PLCH2: variants seen among roughly 807,000 people sequenced by gnomAD.
The protein encoded by PLCH2 is 1-phosphatidylinositol 4,5-bisphosphate phosphodiesterase eta-2.
PLCH2 carries 98 observed loss-of-function variants against 134.7 expected under a neutral mutation model. That is an observed-to-expected ratio of 0.73 (90% CI 0.62 to 0.86). The LOEUF is 0.86. Among genes scored for constraint, PLCH2 ranks in the 40% least tolerant of loss-of-function variants. The pLI, the probability that PLCH2 is intolerant of heterozygous loss-of-function variation, is 0.00. For synonymous variants in PLCH2, 974 were observed against 827.5 expected, an observed-to-expected ratio of 1.18 and a Z score of -3.04; for missense variants, 1,994 against 1,986.6, an observed-to-expected ratio of 1.00 and a Z score of -0.07.
chr1:2,432,370 G>A (rs771170987), intron 2 of PLCH2, among the ~76,000 whole-genome samples: 8 of 152,196 alleles, frequency 5.3e-5, no homozygotes, highest in African/African-American at 1.2e-4. Flanking sequence ...GTTGGGGGCC[G>A]TGGGACAGCA....
chr1:2,468,027 G>A (rs892184115), intron 1 of PLCH2, among the ~76,000 whole-genome samples: 3 of 152,222 alleles, frequency 2.0e-5, no homozygotes, highest in Non-Finnish European at 2.9e-5. Context: ...ATGCCAGCAC[G>A]GGTCCTGACC....
At chr1:2,420,159 C>T in the PLCH2 span, among the ~76,000 whole-genome samples, 16 of 152,210 alleles carry the variant, frequency 1.1e-4, no homozygotes, top group African/African-American at 2.4e-4. Context: ...ACAGGCCCCC[C>T]GCCCCAGCCC....
intron 2 of PLCH2, among the ~76,000 whole-genome samples, chr1:2,434,067 G>A (rs964786080): frequency 5.3e-5 from 8 of 152,254 alleles, no homozygotes; most frequent in South Asian, 2.1e-4. Context: ...GTCCGGCTTC[G>A]TGGCGGGTCT....
rs745501280 is a variant in PLCH2 at position 2,496,725 on chromosome 1, G to A, written c.1933+21G>A. Reference sequence around the variant, plus strand: ...GGAGGGTGAGTGGCTCGGGGACCTGGGGCCACGGGCGGAGGCCTCCCTGTC... The same window carrying A: ...GGAGGGTGAGTGGCTCGGGGACCTGAGGCCACGGGCGGAGGCCTCCCTGTC... On this transcript the variant is annotated intron_variant, in intron 14 of 21. Transcript: ENST00000378486. 5.8e-5 allele frequency: 93 copies of A among 1,609,452 alleles called. No homozygotes were observed. The South Asian group carries it at 1.0e-3, about 18-fold the overall frequency.
chr1:2,429,797 C>A (rs566250728), intron 1 of PLCH2, among the ~76,000 whole-genome samples: 1 of 152,308 alleles, frequency 6.6e-6, no homozygotes, highest in South Asian at 2.1e-4. Flanking sequence ...TGTGGCTCCT[C>A]CTCGGGGCCG....
upstream of PLCH2, among the ~76,000 whole-genome samples, chr1:2,463,322 G>A (rs1021986558): frequency 2.0e-5 from 3 of 152,216 alleles, no homozygotes; most frequent in African/African-American, 4.8e-5. Context: ...CTGGGGGCCC[G>A]TCGAACTCAG....
chr1:2,450,676 A>ACCTGC (rs1640169394), intron 2 of PLCH2, among the ~76,000 whole-genome samples: 1 of 7,528 alleles, frequency 1.3e-4, no homozygotes, highest in African/African-American at 9.2e-4. Context: ...CTCCCCGCCT[A>ACCTGC]CCCCCCTCTC....
At chr1:2,421,007 C>T (rs563231498), upstream of PLCH2, among the ~76,000 whole-genome samples, 4 of 148,004 alleles carry the variant, frequency 2.7e-5, no homozygotes, top group African/African-American at 1.0e-4. Context: ...TGCAGTGGTG[C>T]GATCTCGGCT....
chr1:2,455,170 G>GC (rs1173366601), intron 2 of PLCH2, among the ~76,000 whole-genome samples: 1 of 152,226 alleles, frequency 6.6e-6, no homozygotes, highest in Non-Finnish European at 1.5e-5. Context: ...TAGGAACTCA[G>GC]CCGACCCATC....
chr1:2,504,317 G>A lies in PLCH2; in HGVS notation c.3355G>A (p.Ala1119Thr). The change falls in exon 22 of 22, where the codon GCC (alanine) becomes ACC (threonine). Residue 1119 changes from alanine to threonine, a missense_variant. Coordinates refer to ENST00000378486, the MANE Select transcript of PLCH2 (RefSeq NM_014638.4). ...CCTGGCCGCTCCCTTTCCAGCTCCT[G>A]CCGTGTACTCCGATGCCACGGGCAG... ...RPLAAPFPAP[A>T]VYSDATGSDP... is the part of the protein sequence containing the mutation. 6.2e-7 allele frequency: 1 copy of A among 1,607,984 alleles called. No homozygotes were observed. The highest frequency in any genetic ancestry group is 8.5e-7 in the Non-Finnish European group (1 of 1,178,234).
At chr1:2,499,046 C>G (rs544822244) in intron 18 of PLCH2, 38 bp from the exon 19 acceptor site, 1 of 1,591,036 alleles carries the variant, frequency 6.3e-7, no homozygotes, top group Non-Finnish European at 8.5e-7. Context: ...GGGCCGGGCC[C>G]TCCCCATGGG....
intron 19 of PLCH2, 60 bp from the exon 20 acceptor site, chr1:2,499,581 A>G: frequency 7.9e-7 from 1 of 1,264,668 alleles, no homozygotes; most frequent in Non-Finnish European, 1.1e-6. Context: ...TGGGGGGCAG[A>G]GCAGGTGGGG....
intron 2 of PLCH2, among the ~76,000 whole-genome samples, chr1:2,443,399 G>T (rs895850895): frequency 6.6e-6 from 1 of 152,186 alleles, no homozygotes; most frequent in Non-Finnish European, 1.5e-5. Context: ...CCCTGTCTTG[G>T]CTTCTTCCAG....
chr1:2,467,371 C>T (rs1641104144), upstream of PLCH2: 1 of 379,970 alleles, frequency 2.6e-6, no homozygotes, highest in Non-Finnish European at 4.7e-6. Context: ...GGCTGGGCAG[C>T]CAAGGGTTAA....
chr1:2,470,152 G>A (rs2100615936), intron 1 of PLCH2, among the ~76,000 whole-genome samples: 1 of 152,374 alleles, frequency 6.6e-6, no homozygotes, highest in East Asian at 1.9e-4. Flanking sequence ...ACACCTCTGA[G>A]GGACTTGAGT....
upstream of PLCH2, among the ~76,000 whole-genome samples, chr1:2,473,416 A>G (rs376585594): frequency 1.3e-5 from 2 of 152,212 alleles, no homozygotes; most frequent in African/African-American, 2.4e-5. Flanking sequence ...ACTCTCCCCA[A>G]CTGGGGTGCA....
chr1:2,484,739 A>ATCCCT, intron 5 of PLCH2, 121 bp downstream of exon 5: 1 of 1,085,656 alleles, frequency 9.2e-7, no homozygotes, highest in Non-Finnish European at 1.3e-6. Flanking sequence ...ATCCCAGGCC[A>ATCCCT]GGGATGGGCT....
intron 1 of PLCH2, among the ~76,000 whole-genome samples, chr1:2,428,320 T>C (rs547825218): frequency 6.6e-6 from 1 of 152,134 alleles, no homozygotes; most frequent in Admixed American, 6.5e-5. Flanking sequence ...GATGGCCCCA[T>C]GACAAGACCA....
rs753221788 is a variant in PLCH2 at position 2,498,784 on chromosome 1, C to G, written c.2390C>G (p.Pro797Arg). ...GTGGAGGTGGAGATCATTGGGCTCC[C>G]TGTGGACTGCAGCAGGGAGCAGACC... The part of the protein sequence containing the change: ...PFVEVEIIGL[P>R]VDCSREQTRV... The change falls in exon 18 of 22, where the codon CCT becomes CGT. Residue 797 changes from proline (P) to arginine (R), a missense_variant. By Grantham distance (103) the Pro-to-Arg change is moderately radical (BLOSUM62 -2). Around this residue, in one of 2 missense-constraint regions of PLCH2, gnomAD observed 1,094 missense variants for 1,234.3 expected, o/e 0.89. Coordinates refer to ENST00000378486, the MANE Select transcript of PLCH2 (RefSeq NM_014638.4). This position sits in a 1 kb window ranked among gnomAD's most constrained non-coding sequence, Gnocchi z 5.4. 1.9e-6 allele frequency: 3 copies of G among 1,611,590 alleles called. No individual in the cohort carries two copies. The highest frequency in any genetic ancestry group is 2.5e-6 in the Non-Finnish European group (3 of 1,179,224).
Sources: gnomAD v4.1 joint callset for allele counts (sites outside exome capture counted in the v4.1 genomes callset) on GRCh38, gnomAD v4.1.1 for gene constraint, gnomAD v4.1.1 regional missense constraint, Gnocchi (gnomAD v3.1) non-coding constraint, MANE v1.5 for transcripts, NCBI Gene and HGNC (gene_info 2026-07-23, HGNC 2026-07-21) for gene names.